Variants in LAMA2 observed in about 807,000 individuals in gnomAD.
LAMA2 encodes laminin subunit alpha-2.
A neutral mutation model predicts 364.8 loss-of-function variants in LAMA2; 269 were observed. The observed-to-expected ratio is 0.74, with a 90% CI of 0.67 to 0.82. The LOEUF (loss-of-function observed/expected upper bound fraction) is 0.82. LAMA2 is among the 40% of genes least tolerant of loss of function. The pLI is 0.00. For synonymous variants in LAMA2, 1,379 were observed against 1,370.6 expected (o/e 1.01, Z -0.14); for missense variants, 3,807 against 3,873.2 (o/e 0.98, Z 0.45).
intron 30 of LAMA2, among the ~76,000 whole-genome samples, chr6:129,343,784 A>G (rs910782068): frequency 7.9e-5 from 12 of 152,176 alleles, no homozygotes; most frequent in African/African-American, 2.9e-4. Flanking sequence ...GAAAATTCAA[A>G]GGCACAAAAC....
At chr6:129,064,662 T>A (rs1002195307) in intron 3 of LAMA2, among the ~76,000 whole-genome samples, 1 of 152,118 alleles carries the variant, frequency 6.6e-6, no homozygotes, top group Middle Eastern at 3.4e-3. Context: ...GCCAACAAAC[T>A]GGATAACCTA....
intron 1 of LAMA2, among the ~76,000 whole-genome samples, chr6:128,884,307 G>C (rs1776024600): frequency 6.7e-6 from 1 of 150,136 alleles, no homozygotes; most frequent in Non-Finnish European, 1.5e-5. Context: ...TGGAAAACCT[G>C]TATCAAAGTA....
chr6:129,017,873 A>G (rs1220525163), intron 1 of LAMA2, among the ~76,000 whole-genome samples: 2 of 152,046 alleles, frequency 1.3e-5, no homozygotes, highest in South Asian at 4.1e-4. Context: ...TTTTTTTTTA[A>G]GTTAGCATCA....
At position 129,440,872 on chromosome 6, in the gene LAMA2, G is replaced by A; in HGVS notation, c.6142G>A (p.Ala2048Thr). Residue 2048 changes from alanine to threonine, a missense_variant, in exon 43 of 65, where the codon GCT (alanine) becomes ACT (threonine). This residue lies in a region of LAMA2 where 3,333 missense variants were observed against 3,345.7 expected (regional missense o/e 1.00). Transcript: ENST00000421865. The stretch of plus-strand genomic sequence containing the variant: ...CAAAGCCAGACAAGCCAACGACACA[G>A]CTAAAGATGTACTGGCACAGATTAC... Reference protein sequence around the residue: ...KDKARQANDTAKDVLAQITEL... With the variant: ...KDKARQANDTTKDVLAQITEL... 6.2e-7 allele frequency: 1 copy of A among 1,613,924 alleles called. No individual in the cohort carries two copies. Among genetic ancestry groups the A allele is most frequent in the Non-Finnish European group, 8.5e-7 (1 of 1,179,862 alleles).
intron 48 of LAMA2, among the ~76,000 whole-genome samples, 181 bp from the exon 49 acceptor site, chr6:129,460,019 C>T (rs1431785257): frequency 6.6e-6 from 1 of 151,960 alleles, no homozygotes; most frequent in Non-Finnish European, 1.5e-5. Flanking sequence ...TTGACTCATC[C>T]TGTAGTAGCT....
intron 27 of LAMA2, among the ~76,000 whole-genome samples, chr6:129,317,858 C>T (rs1320272680): frequency 6.6e-6 from 1 of 151,542 alleles, no homozygotes; most frequent in South Asian, 2.1e-4. Flanking sequence ...TTCTTTGCTT[C>T]TCTCACACCA....
intron 61 of LAMA2, among the ~76,000 whole-genome samples, chr6:129,506,246 T>C (rs995725962): frequency 6.6e-6 from 1 of 151,788 alleles, no homozygotes; most frequent in Non-Finnish European, 1.5e-5. Flanking sequence ...CCAGCTACTT[T>C]GGAGGCTGAG....
At chr6:129,085,017 T>A (rs1382058182) in intron 3 of LAMA2, among the ~76,000 whole-genome samples, 1 of 152,180 alleles carries the variant, frequency 6.6e-6, no homozygotes, top group Admixed American at 6.5e-5. Flanking sequence ...CCATTTGCTG[T>A]TAAGTAATTG....
intron 28 of LAMA2, among the ~76,000 whole-genome samples, chr6:129,321,787 A>G (rs758868458): frequency 1.3e-5 from 2 of 152,210 alleles, no homozygotes; most frequent in African/African-American, 4.8e-5. Context: ...TGTATTAAGT[A>G]TGGTACATGA....
chr6:129,154,736 A>T, intron 8 of LAMA2, 53 bp downstream of exon 8: 1 of 1,385,042 alleles, frequency 7.2e-7, no homozygotes, highest in Non-Finnish European at 1.0e-6. Flanking sequence ...TTTTCATACA[A>T]AAATGTTTTA....
At chr6:129,046,239 G>A (rs867693399) in intron 1 of LAMA2, among the ~76,000 whole-genome samples, 1 of 152,292 alleles carries the variant, frequency 6.6e-6, no homozygotes, top group Middle Eastern at 3.4e-3. Flanking sequence ...AGTGCTTTAT[G>A]TTAATATGTA....
chr6:128,890,112 C>T (rs915041650), intron 1 of LAMA2, among the ~76,000 whole-genome samples: 2 of 152,246 alleles, frequency 1.3e-5, no homozygotes, highest in African/African-American at 4.8e-5. Flanking sequence ...AACTGACCCC[C>T]GAACTGTGTA....
chr6:128,940,650 T>C (rs1780094448), intron 1 of LAMA2, among the ~76,000 whole-genome samples: 1 of 152,120 alleles, frequency 6.6e-6, no homozygotes, highest in South Asian at 2.1e-4. Context: ...CTGAAAGCCA[T>C]GGAATGAAAG....
At chr6:129,441,612 T>G (rs1298858710) in intron 43 of LAMA2, among the ~76,000 whole-genome samples, 1 of 152,112 alleles carries the variant, frequency 6.6e-6, no homozygotes, top group African/African-American at 2.4e-5. Flanking sequence ...ATATCATAAC[T>G]TATATTATTA....
rs1027200 is a variant in LAMA2 at position 129,298,005 on chromosome 6, G to A, written c.3037+140G>A. 372,374 of 742,916 alleles carry A rather than the reference G, an allele frequency of 0.5. 94,545 individuals are homozygous for A. Among genetic ancestry groups the A allele is most frequent in the African/African-American group, 0.71 (37,561 of 52,810 alleles). The allele number at this position is 742,916 out of a possible 1,614,324, so 46.0% of individuals were successfully genotyped here. A position where few individuals can be genotyped will look rare whatever the true frequency, so the allele number is the denominator to read the frequency against. On this transcript the variant is annotated intron_variant, in intron 21 of 64. Coordinates refer to ENST00000421865, the MANE Select transcript of LAMA2 (RefSeq NM_000426.4). ...ATGAGTAATGTCTACTTATTTTTAC[G>A]TTACTTAAAAAATGAAATACATGTC...
intron 1 of LAMA2, among the ~76,000 whole-genome samples, chr6:128,996,724 C>T (rs1783966296): frequency 6.6e-6 from 1 of 152,132 alleles, no homozygotes; most frequent in Admixed American, 6.5e-5. Context: ...GTGGTGATTC[C>T]TCAAGGATCT....
intron 12 of LAMA2, among the ~76,000 whole-genome samples, chr6:129,233,790 A>T (rs1363390064): frequency 7.9e-5 from 12 of 152,158 alleles, no homozygotes; most frequent in Non-Finnish European, 2.9e-5. Context: ...AGATTTGGAG[A>T]AAGCAATGGG....
At chr6:129,013,476 G>A (rs1437295529) in intron 1 of LAMA2, among the ~76,000 whole-genome samples, 1 of 151,918 alleles carries the variant, frequency 6.6e-6, no homozygotes, top group East Asian at 1.9e-4. Context: ...AGAATAATGT[G>A]ATAGCAAATG....
intron 1 of LAMA2, among the ~76,000 whole-genome samples, chr6:128,940,059 T>C (rs1780061448): frequency 6.6e-6 from 1 of 152,158 alleles, no homozygotes; most frequent in Non-Finnish European, 1.5e-5. Flanking sequence ...TTGCTCATCA[T>C]GATTTTGCCT....
Sources: gnomAD v4.1 joint callset for allele counts (sites outside exome capture counted in the v4.1 genomes callset) on GRCh38, gnomAD v4.1.1 for gene constraint, gnomAD v4.1.1 regional missense constraint, MANE v1.5 for transcripts, NCBI Gene and HGNC (gene_info 2026-07-23, HGNC 2026-07-21) for gene names.